BRD4: variants seen among roughly 807,000 people sequenced by gnomAD.
The protein encoded by BRD4 is bromodomain-containing protein 4.
Under a neutral mutation model 142.1 loss-of-function variants are expected in BRD4, and 16 were observed. The ratio of observed to expected loss-of-function variants is 0.11; its 90% confidence interval spans 0.08 to 0.17. The LOEUF (loss-of-function observed/expected upper bound fraction) is 0.17, where lower values mean the gene tolerates loss of function less well. Ranked by LOEUF, BRD4 falls within the 10% of genes least tolerant of loss-of-function variation. BRD4 has a pLI of 1.00. For synonymous variants in BRD4, 833 were observed against 707.5 expected (o/e 1.18, Z -2.82); for missense variants, 1,424 against 1,810.9 (o/e 0.79, Z 3.88).
rs2047226859 is a variant in BRD4, at chr19:15,240,062, A to G, written c.3170-40T>C. The G allele has an allele frequency of 1.9e-6, 3 of 1,571,804 alleles. No individual in the cohort carries two copies. The East Asian group carries it at 6.7e-5, about 35-fold the overall frequency. On this transcript the variant is annotated intron_variant, in intron 14 of 19. Transcript: ENST00000679869. The stretch of plus-strand genomic sequence containing the variant: ...AAGGAATGTGTCAAGGGGCTGGCTT[A>G]GAACTGCTGGCCCTGAGAGAATTGT...
intron 1 of BRD4, among the ~76,000 whole-genome samples, chr19:15,286,240 G>A (rs12974795): frequency 0.17 from 25,141 of 152,136 alleles, 2,181 homozygotes; most frequent in Middle Eastern, 0.2. Flanking sequence ...AAGGAGCATA[G>A]CCCCTCCCCT....
intron 1 of BRD4, among the ~76,000 whole-genome samples, chr19:15,331,455 G>A (rs1325760244): frequency 1.3e-5 from 2 of 152,202 alleles, no homozygotes; most frequent in Non-Finnish European, 2.9e-5. Context: ...ATAGGCCGTT[G>A]CAAGGACGCC....
At chr19:15,270,554 T>C (rs1168093619) in intron 2 of BRD4, among the ~76,000 whole-genome samples, 3 of 152,178 alleles carry the variant, frequency 2.0e-5, no homozygotes, top group African/African-American at 4.8e-5. Context: ...TTGGCCACAG[T>C]GTGTCACATG....
chr19:15,278,847 C>T (rs544516410), intron 1 of BRD4, among the ~76,000 whole-genome samples: 1 of 152,150 alleles, frequency 6.6e-6, no homozygotes, highest in East Asian at 1.9e-4. Flanking sequence ...TGCCTGTTTT[C>T]TTTTCTTTTT....
Position 15,255,852 on chromosome 19 carries a change from G to A in BRD4, c.1751+212C>T, listed in dbSNP as rs72994009. Among the ~76,000 whole-genome samples the A allele has an allele frequency of 2.3e-3, 351 of 152,334 alleles. 1 individual carries two copies. The highest frequency in any genetic ancestry group is 4.4e-3 in the Non-Finnish European group (298 of 68,026). On this transcript the variant is annotated intron_variant, in intron 9 of 19. Coordinates refer to ENST00000679869, the MANE Select transcript of BRD4 (RefSeq NM_001379291.1). ...CGCCTATCCTCCCCAACCAAACATG[G>A]TGAGCTCCGAAGGCTCATCCTACAG...
rs1275984591 is a variant in BRD4, at chr19:15,238,628, C to T, written c.4020+115G>A. ...TGAGTCCAGAGGACCACATGCCGACCAGCAGGGACGGGGCTCCCCCGCTGC... is the reference window on the plus strand; with the variant it reads ...TGAGTCCAGAGGACCACATGCCGACTAGCAGGGACGGGGCTCCCCCGCTGC... On this transcript the variant is annotated intron_variant, in intron 19 of 19. Coordinates refer to ENST00000679869, the MANE Select transcript of BRD4 (RefSeq NM_001379291.1). This position sits in a 1 kb window ranked among gnomAD's most constrained non-coding sequence, Gnocchi z 7.2. 3 of 1,458,120 alleles carry T rather than the reference C, an allele frequency of 2.1e-6. No individual in the cohort carries two copies. The highest frequency in any genetic ancestry group is 1.8e-6 in the Non-Finnish European group (2 of 1,102,222). 90.3% of individuals were successfully genotyped at this position (1,458,120 alleles called of 1,614,324 possible).
rs201651418 is a variant in BRD4 at position 15,265,653 on chromosome 19, A to G, written c.560-10T>C. ...CCAGGTTTTGCTGTCCCTACAAATC[A>G]TAATAAGACGGCGAGTTAGAGACCA... On this transcript the variant is annotated splice_polypyrimidine_tract_variant and intron_variant, in intron 4 of 19. Coordinates refer to ENST00000679869, the MANE Select transcript of BRD4 (RefSeq NM_001379291.1). The G allele has an allele frequency of 1.8e-4, 295 of 1,614,080 alleles. 1 individual carries two copies. The African/African-American group carries it at 3.4e-3, about 18-fold the overall frequency.
intron 1 of BRD4, among the ~76,000 whole-genome samples, chr19:15,283,091 G>C (rs547966005): frequency 6.6e-6 from 1 of 152,328 alleles, no homozygotes; most frequent in South Asian, 2.1e-4. Context: ...AGATCACAAA[G>C]TAGGGGCTGG....
At chr19:15,322,641 A>T (rs1162520124) in intron 1 of BRD4, among the ~76,000 whole-genome samples, 2 of 141,866 alleles carry the variant, frequency 1.4e-5, no homozygotes, top group East Asian at 4.2e-4. Flanking sequence ...TCACGAGGTC[A>T]GGAGATCAAG....
intron 1 of BRD4, among the ~76,000 whole-genome samples, chr19:15,279,667 C>T (rs756301136): frequency 6.6e-5 from 10 of 152,144 alleles, no homozygotes; most frequent in Non-Finnish European, 1.0e-4. Context: ...ACTCTAAAGG[C>T]AAGCCAGAGA....
chr19:15,300,867 T>C (rs528371625), intron 1 of BRD4, among the ~76,000 whole-genome samples: 65 of 152,196 alleles, frequency 4.3e-4, no homozygotes, highest in Non-Finnish European at 7.9e-4. Flanking sequence ...CAGAAACATC[T>C]GAGAGTTTCC....
At chr19:15,255,212 AG>A in intron 10 of BRD4, 84 bp downstream of exon 10, 1 of 1,306,192 alleles carries the variant, frequency 7.7e-7, no homozygotes, top group Non-Finnish European at 1.0e-6. Context: ...GGGGGGGCGC[AG>A]AAAGAGTGGA....
chr19:15,322,355 T>C (rs2048068890), intron 1 of BRD4, among the ~76,000 whole-genome samples: 1 of 151,934 alleles, frequency 6.6e-6, no homozygotes, highest in Non-Finnish European at 1.5e-5. Flanking sequence ...CACTGCAAGC[T>C]CCGCCTCCCG....
In BRD4 at chr19:15,236,375, G is replaced by A. The variant is rs894062181; in HGVS notation, c.*2002C>T. ...ATGTGTGTGTATGTGCATGGGGGGT[G>A]AGGATCCTATTTTGGGGGATGTAGA... On this transcript the variant is annotated 3_prime_UTR_variant, in exon 20 of 20. Coordinates refer to ENST00000679869, the MANE Select transcript of BRD4 (RefSeq NM_001379291.1). 1 of 152,234 alleles carries A rather than the reference G, an allele frequency of 6.6e-6. No homozygotes were observed. The highest frequency in any genetic ancestry group is 2.4e-5 in the African/African-American group (1 of 41,412). 9.4% of individuals were successfully genotyped at this position (152,234 alleles called of 1,614,324 possible). A position where few individuals can be genotyped will look rare whatever the true frequency, so the allele number is the denominator to read the frequency against.
intron 1 of BRD4, among the ~76,000 whole-genome samples, chr19:15,304,588 G>C (rs1335669886): frequency 6.6e-6 from 1 of 152,166 alleles, no homozygotes. Flanking sequence ...TAGTAAGCTG[G>C]CAGACAATGT....
Position 15,238,303 on chromosome 19 carries a change from C to T in BRD4, c.*74G>A. 1 of 1,597,556 alleles carries T rather than the reference C, an allele frequency of 6.3e-7. No individual in the cohort carries two copies. Among genetic ancestry groups the T allele is most frequent in the Non-Finnish European group, 8.5e-7 (1 of 1,170,522 alleles). ...CATCCCCTGGCCGCTGATCCCACCT[C>T]CACCACCGCCCCTAACACTATGGAA... is the stretch of plus-strand genomic sequence containing the variant. On this transcript the variant is annotated 3_prime_UTR_variant, in exon 20 of 20. Coordinates refer to ENST00000679869, the MANE Select transcript of BRD4 (RefSeq NM_001379291.1). The surrounding 1 kb of genome is among the most constrained non-coding windows in gnomAD (Gnocchi z 7.2).
Position 15,237,688 on chromosome 19 carries a change from C to T in BRD4, c.*689G>A. ...GAAGGAACTGACTTTGGTTGGTGGC[C>T]TCACTCCCCGGCCGAGGGCTACCCA... On this transcript the variant is annotated 3_prime_UTR_variant, in exon 20 of 20. Transcript: ENST00000679869. 4.3e-6 allele frequency: 1 copy of T among 232,922 alleles called. No individual in the cohort carries two copies. Among genetic ancestry groups the T allele is most frequent in the Non-Finnish European group, 8.5e-6 (1 of 117,820 alleles). The allele number at this position is 232,922 out of a possible 1,614,324, so 14.4% of individuals were successfully genotyped here.
intron 2 of BRD4, among the ~76,000 whole-genome samples, chr19:15,271,654 C>T (rs1262551654): frequency 6.6e-6 from 1 of 152,206 alleles, no homozygotes. Flanking sequence ...GCTCCCCCAA[C>T]AGTCTCCCTC....
intron 10 of BRD4, 145 bp downstream of exon 10, chr19:15,255,152 G>C (rs979954391): frequency 2.5e-6 from 2 of 814,434 alleles, no homozygotes; most frequent in Non-Finnish European, 3.7e-6. Context: ...ACAACCTTTC[G>C]GAGGTTTCTG....
Sources: allele counts gnomAD v4.1 joint callset (sites outside exome capture counted in the v4.1 genomes callset), GRCh38; gene constraint gnomAD v4.1.1; non-coding constraint Gnocchi (gnomAD v3.1); transcripts MANE v1.5; gene names NCBI Gene and HGNC (gene_info 2026-07-23, HGNC 2026-07-21).